Variants in RARA observed in about 807,000 individuals in gnomAD.
RARA encodes the protein PML-DDX5-RARA fusion.
Under a neutral mutation model 42.8 loss-of-function variants are expected in RARA, and 5 were observed. That is an observed-to-expected ratio of 0.12 (90% CI 0.06 to 0.25). The LOEUF (loss-of-function observed/expected upper bound fraction) is 0.25. Among genes scored for constraint, RARA ranks in the 10% least tolerant of loss-of-function variants. The probability of loss-of-function intolerance (pLI) is 1.00; values close to 1 mark genes in which losing one functional copy is unlikely to be tolerated. For synonymous variants in RARA, 256 were observed against 259.5 expected (o/e 0.99, Z 0.13); for missense variants, 402 against 628.7 (o/e 0.64, Z 3.86).
chr17:40,351,283 A>C lies in RARA; in HGVS notation c.470-627A>C. ...TCCTCCCGCGTCAGCAGCCACCACC[A>C]CCAGCCCTGTGAGTGATTGTGTGTC... On this transcript the variant is annotated intron_variant, in intron 4 of 8. Coordinates refer to ENST00000254066, the MANE Select transcript of RARA (RefSeq NM_000964.4). The surrounding 1 kb of genome is among the most constrained non-coding windows in gnomAD (Gnocchi z 4.1). The C allele has an allele frequency of 3.4e-5, 3 of 89,366 alleles. No individual in the cohort carries two copies. Among genetic ancestry groups the C allele is most frequent in the South Asian group, 2.3e-4 (1 of 4,352 alleles). The allele number at this position is 89,366 out of a possible 1,614,324, so 5.5% of individuals were successfully genotyped here. A position where few individuals can be genotyped will look rare whatever the true frequency, so the allele number is the denominator to read the frequency against.
chr17:40,337,222 A>G (rs1288576272), intron 2 of RARA, among the ~76,000 whole-genome samples: 2 of 152,214 alleles, frequency 1.3e-5, no homozygotes, highest in East Asian at 3.8e-4. Context: ...GTTTTCCACC[A>G]TCTACATAGG....
At chr17:40,342,803 G>A (rs2034117414) in intron 2 of RARA, 1 of 1,612,694 alleles carries the variant, frequency 6.2e-7, no homozygotes, top group South Asian at 1.1e-5. Flanking sequence ...CAGAGAAGGG[G>A]CTCCCCGCCC....
In RARA at chr17:40,356,153, C is replaced by T. The variant is rs2143549501; in HGVS notation, c.1316C>T (p.Pro439Leu). 1 of 1,553,782 alleles carries T rather than the reference C, an allele frequency of 6.4e-7. No homozygotes were observed. The change falls in exon 9 of 9, where the codon CCC (proline) becomes CTC (leucine). Residue 439 changes from proline (P) to leucine (L), a missense_variant. This residue lies in a region of RARA where 73 missense variants were observed against 59.8 expected (regional missense o/e 1.22). Coordinates refer to ENST00000254066, the MANE Select transcript of RARA (RefSeq NM_000964.4). ...GGGCGGGACGGGGGTGGCCTGGCCC[C>T]CCCGCCAGGCAGCTGTAGCCCCAGC... ...GGGRDGGGLA[P>L]PPGSCSPSLS...
chr17:40,313,576 C>T (rs1598526283), intron 1 of RARA, among the ~76,000 whole-genome samples: 1 of 152,114 alleles, frequency 6.6e-6, no homozygotes, highest in African/African-American at 2.4e-5. Context: ...TGTGTAGCCA[C>T]ACGTGGTGCA....
At chr17:40,319,163 C>T (rs968984710) in intron 1 of RARA, among the ~76,000 whole-genome samples, 4 of 152,122 alleles carry the variant, frequency 2.6e-5, no homozygotes, top group Admixed American at 1.3e-4. Context: ...TGTGTGTGAG[C>T]CTGTTGTGGG....
chr17:40,342,297 G>A (rs894264970), intron 2 of RARA: 17 of 1,065,016 alleles, frequency 1.6e-5, no homozygotes, highest in Non-Finnish European at 4.5e-6. Flanking sequence ...TCCCCGGCTG[G>A]GAGGAGGAAG....
chr17:40,342,989 A>C, intron 2 of RARA: 2 of 1,456,562 alleles, frequency 1.4e-6, no homozygotes, highest in Non-Finnish European at 1.8e-6. Flanking sequence ...CTTTCACTTA[A>C]CCCGTGTTGC....
Position 40,352,654 on chromosome 17 carries a change from T to C in RARA, c.807+147T>C. Reference sequence around the variant, plus strand: ...CAAATGTCTGCCCTTCCTCTCCCCATATGTCCACCTGTCCACTCGTCTCCC... The same window carrying C: ...CAAATGTCTGCCCTTCCTCTCCCCACATGTCCACCTGTCCACTCGTCTCCC... On this transcript the variant is annotated intron_variant, in intron 6 of 8. Coordinates refer to ENST00000254066, the MANE Select transcript of RARA (RefSeq NM_000964.4). This position sits in a 1 kb window ranked among gnomAD's most constrained non-coding sequence, Gnocchi z 4.9. 2.6e-6 allele frequency: 2 copies of C among 757,580 alleles called. No homozygotes were observed. The highest frequency in any genetic ancestry group is 2.1e-5 in the South Asian group (1 of 46,550). 46.9% of individuals were successfully genotyped at this position (757,580 alleles called of 1,614,324 possible). A position where few individuals can be genotyped will look rare whatever the true frequency, so the allele number is the denominator to read the frequency against.
chr17:40,348,476 G>A lies in RARA; in HGVS notation c.327+12G>A, dbSNP rs2034339518. The stretch of plus-strand genomic sequence containing the variant: ...GTGAGGGCTGCAAGGTGAGTTGAAG[G>A]GGTCATTGGGAAGGACAGCTTGATG... On this transcript the variant is annotated intron_variant, in intron 3 of 8. Coordinates refer to ENST00000254066, the MANE Select transcript of RARA (RefSeq NM_000964.4). 6.2e-7 allele frequency: 1 copy of A among 1,610,376 alleles called. No individual in the cohort carries two copies. The highest frequency in any genetic ancestry group is 1.3e-5 in the African/African-American group (1 of 74,716).
intron 1 of RARA, among the ~76,000 whole-genome samples, chr17:40,327,959 G>A (rs571883971): frequency 6.6e-6 from 1 of 152,214 alleles, no homozygotes; most frequent in Non-Finnish European, 1.5e-5. Flanking sequence ...GGAATTGGCA[G>A]GGGCCTGGGG....
chr17:40,309,466 C>A (rs1382229711), intron 1 of RARA, among the ~76,000 whole-genome samples, 180 bp downstream of exon 1: 1 of 152,208 alleles, frequency 6.6e-6, no homozygotes. Flanking sequence ...GCTCAGAGCC[C>A]TCTGCACCCT....
intron 2 of RARA, chr17:40,341,710 G>A (rs1006023661): frequency 6.0e-5 from 79 of 1,327,482 alleles, no homozygotes; most frequent in Non-Finnish European, 7.4e-5. Flanking sequence ...CCTGGGTGGG[G>A]GTGTGTGTTA....
rs377441923 is a variant in RARA, at chr17:40,348,477, G to T, written c.327+13G>T. The T allele has an allele frequency of 6.2e-6, 10 of 1,610,330 alleles. No individual in the cohort carries two copies. Among genetic ancestry groups the T allele is most frequent in the Non-Finnish European group, 8.5e-6 (10 of 1,178,226 alleles). ...TGAGGGCTGCAAGGTGAGTTGAAGGGGTCATTGGGAAGGACAGCTTGATGA... is the reference window on the plus strand; with the variant it reads ...TGAGGGCTGCAAGGTGAGTTGAAGGTGTCATTGGGAAGGACAGCTTGATGA... On this transcript the variant is annotated intron_variant, in intron 3 of 8. Transcript: ENST00000254066.
chr17:40,341,294 A>C, intron 2 of RARA: 1 of 1,371,042 alleles, frequency 7.3e-7, no homozygotes, highest in Non-Finnish European at 9.5e-7. Context: ...TGCTCGCCGG[A>C]AGCACGCAGA....
chr17:40,332,214 C>T (rs1025637930), intron 2 of RARA, among the ~76,000 whole-genome samples: 2 of 152,120 alleles, frequency 1.3e-5, no homozygotes, highest in African/African-American at 2.4e-5. Flanking sequence ...GTAACTCTGG[C>T]CCCCAGGGCC....
intron 1 of RARA, among the ~76,000 whole-genome samples, chr17:40,312,201 C>A (rs1454493736): frequency 6.6e-6 from 1 of 152,178 alleles, no homozygotes. Flanking sequence ...ATGTGGTTGG[C>A]ACTGATTTGT....
In RARA at chr17:40,357,063, G is replaced by A. The variant is rs1333261535; in HGVS notation, c.*837G>A. The A allele has an allele frequency of 1.1e-5, 4 of 354,560 alleles. No homozygotes were observed. The highest frequency in any genetic ancestry group is 5.2e-5 in the East Asian group (1 of 19,360). The allele number at this position is 354,560 out of a possible 1,614,324, so 22.0% of individuals were successfully genotyped here. The stretch of plus-strand genomic sequence containing the variant: ...CTCTGCCTGACCACTGGGTGTGGAC[G>A]GTGTGGGGCAGCCCTGAAAGGACAG... On this transcript the variant is annotated 3_prime_UTR_variant, in exon 9 of 9. Transcript: ENST00000254066.
chr17:40,348,652 G>C (rs2034345610), intron 3 of RARA, 188 bp downstream of exon 3: 1 of 647,106 alleles, frequency 1.5e-6, no homozygotes, highest in South Asian at 2.7e-5. Flanking sequence ...TAAATGTGCA[G>C]GGCTCCCTCA....
At chr17:40,342,532 G>T (rs1232541811) in intron 2 of RARA, 2 of 1,314,928 alleles carry the variant, frequency 1.5e-6, no homozygotes, top group Non-Finnish European at 1.9e-6. Flanking sequence ...AGCGGCCGGC[G>T]GACTTAGACG....
Sources: allele counts gnomAD v4.1 joint callset (sites outside exome capture counted in the v4.1 genomes callset), GRCh38; gene constraint gnomAD v4.1.1; regional missense constraint gnomAD v4.1.1; non-coding constraint Gnocchi (gnomAD v3.1); transcripts MANE v1.5; gene names NCBI Gene and HGNC (gene_info 2026-07-23, HGNC 2026-07-21).